PDE4D: variants seen among roughly 807,000 people sequenced by gnomAD.
The protein encoded by PDE4D is 3',5'-cyclic-AMP phosphodiesterase 4D.
Under a neutral mutation model 87.4 loss-of-function variants are expected in PDE4D, and 24 were observed. The observed-to-expected ratio is 0.27, with a 90% confidence interval of 0.20 to 0.39. The LOEUF is 0.39. Ranked by LOEUF, PDE4D falls within the 10% of genes least tolerant of loss-of-function variation. The pLI, the probability that PDE4D is intolerant of heterozygous loss-of-function variation, is 1.00. For synonymous variants in PDE4D, 384 were observed against 383.2 expected, an observed-to-expected ratio of 1.00 and a Z score of -0.02; for missense variants, 714 against 1,041.0, an observed-to-expected ratio of 0.69 and a Z score of 4.32.
At chr5:60,005,095 A>G (rs1336524667) in intron 2 of PDE4D, among the ~76,000 whole-genome samples, 2 of 152,148 alleles carry the variant, frequency 1.3e-5, no homozygotes, top group African/African-American at 4.8e-5. Context: ...ACTGTGGTGT[A>G]TATACAATGG....
intron 1 of PDE4D, among the ~76,000 whole-genome samples, chr5:59,346,678 GA>G (rs1779656070): frequency 6.6e-6 from 1 of 152,142 alleles, no homozygotes; most frequent in Admixed American, 6.6e-5. Flanking sequence ...GCATACAACA[GA>G]AGTTGCACAA....
intron 1 of PDE4D, among the ~76,000 whole-genome samples, chr5:59,842,842 G>T (rs958974159): frequency 2.0e-5 from 3 of 151,750 alleles, no homozygotes; most frequent in Non-Finnish European, 4.4e-5. Context: ...GTGTTTCATT[G>T]CTAAACTTTT....
chr5:59,459,943 A>G (rs1442201066), intron 1 of PDE4D, among the ~76,000 whole-genome samples: 1 of 152,192 alleles, frequency 6.6e-6, no homozygotes, highest in Non-Finnish European at 1.5e-5. Flanking sequence ...ACATAAAACC[A>G]AGAACAATAA....
chr5:59,400,735 A>G (rs1380561462), intron 1 of PDE4D, among the ~76,000 whole-genome samples: 1 of 121,682 alleles, frequency 8.2e-6, no homozygotes, highest in Non-Finnish European at 1.8e-5. Context: ...AAGTATAATA[A>G]TAAAAAAAAT....
At chr5:60,068,117 T>C (rs1772307595) in intron 2 of PDE4D, among the ~76,000 whole-genome samples, 1 of 151,666 alleles carries the variant, frequency 6.6e-6, no homozygotes. Context: ...TGTAATTGCA[T>C]TTTTAAATGT....
chr5:60,382,786 C>T (rs1241998132), intron 1 of PDE4D, among the ~76,000 whole-genome samples: 1 of 152,136 alleles, frequency 6.6e-6, no homozygotes, highest in Non-Finnish European at 1.5e-5. Flanking sequence ...GGCTATCTTT[C>T]AAAGAGATTT....
chr5:59,888,819 A>G (rs1750532119), intron 1 of PDE4D, among the ~76,000 whole-genome samples: 1 of 152,176 alleles, frequency 6.6e-6, no homozygotes, highest in Non-Finnish European at 1.5e-5. Flanking sequence ...AATCAATAAA[A>G]CAATAAAGAA....
At chr5:60,122,828 A>ACAAAATT (rs963161973) in intron 2 of PDE4D, among the ~76,000 whole-genome samples, 5 of 152,216 alleles carry the variant, frequency 3.3e-5, no homozygotes, top group Admixed American at 6.5e-5. Context: ...TTGTCAGGCT[A>ACAAAATT]CAAAATTTTT....
chr5:60,382,767 C>T (rs771194050), intron 1 of PDE4D, among the ~76,000 whole-genome samples: 41 of 152,120 alleles, frequency 2.7e-4, no homozygotes, highest in Non-Finnish European at 4.4e-5. Flanking sequence ...TGAGAGAATA[C>T]ATGTTTATGG....
chr5:60,237,999 A>T (rs765019390), intron 1 of PDE4D, among the ~76,000 whole-genome samples: 3 of 151,956 alleles, frequency 2.0e-5, no homozygotes, highest in Non-Finnish European at 4.4e-5. Flanking sequence ...CTCCCTTCAC[A>T]GAAAAATCCT....
At chr5:59,377,333 C>T (rs369126216) in intron 1 of PDE4D, among the ~76,000 whole-genome samples, 13 of 151,558 alleles carry the variant, frequency 8.6e-5, no homozygotes, top group East Asian at 7.8e-4. Context: ...AGGAGAACGG[C>T]GTGAACCCAG....
chr5:59,745,527 G>C (rs1175597765), intron 1 of PDE4D, among the ~76,000 whole-genome samples: 1 of 152,186 alleles, frequency 6.6e-6, no homozygotes, highest in East Asian at 1.9e-4. Context: ...ATTCTGGACA[G>C]TGTGTTGAAA....
intron 1 of PDE4D, among the ~76,000 whole-genome samples, chr5:59,757,459 T>C (rs1761415829): frequency 6.6e-6 from 1 of 152,140 alleles, no homozygotes. Context: ...AAAGGAAATA[T>C]CTCAAGTCAA....
chr5:60,237,157 C>G (rs557677933), intron 1 of PDE4D, among the ~76,000 whole-genome samples: 1 of 152,072 alleles, frequency 6.6e-6, no homozygotes, highest in East Asian at 1.9e-4. Context: ...CAACATATGG[C>G]TGTACCATAA....
intron 3 of PDE4D, among the ~76,000 whole-genome samples, chr5:59,931,191 T>C (rs1755875791): frequency 6.6e-6 from 1 of 152,232 alleles, no homozygotes; most frequent in African/African-American, 2.4e-5. Flanking sequence ...TCTATCAACA[T>C]GTTTGGACAA....
intron 2 of PDE4D, among the ~76,000 whole-genome samples, chr5:60,170,492 G>GATA (rs552843933): frequency 6.1e-4 from 93 of 151,906 alleles, no homozygotes; most frequent in Admixed American, 1.2e-3. Flanking sequence ...CTTGTCTACA[G>GATA]ATAATAATAA....
At position 60,326,204 on chromosome 5, in the gene PDE4D, A is replaced by G. The variant is rs187869674; in HGVS notation, c.-89-140517T>C. Among the ~76,000 whole-genome samples the G allele has an allele frequency of 4.4e-3, 672 of 152,242 alleles. 6 individuals carry two copies. Among genetic ancestry groups the G allele is most frequent in the Middle Eastern group, 0.024 (7 of 294 alleles). On this transcript the variant is annotated intron_variant, in intron 1 of 16. Coordinates refer to the PDE4D transcript ENST00000502484. ...ATGCCCAGGAGTGCATTTACTGGAT[A>G]GTGTAGTACTTACATGTTTAGTTTT...
chr5:60,127,398 G>C (rs1475842691), intron 2 of PDE4D, among the ~76,000 whole-genome samples: 1 of 152,142 alleles, frequency 6.6e-6, no homozygotes, highest in Non-Finnish European at 1.5e-5. Flanking sequence ...CTGCAATATG[G>C]AGAACAGATT....
intron 2 of PDE4D, among the ~76,000 whole-genome samples, chr5:60,084,935 A>G (rs1344466998): frequency 6.6e-6 from 1 of 152,210 alleles, no homozygotes; most frequent in Non-Finnish European, 1.5e-5. Context: ...CCAGGATGCA[A>G]TGTCTACACA....
Sources: gnomAD v4.1 joint callset for allele counts (sites outside exome capture counted in the v4.1 genomes callset) on GRCh38, gnomAD v4.1.1 for gene constraint, MANE v1.5 for transcripts, NCBI Gene and HGNC (gene_info 2026-07-23, HGNC 2026-07-21) for gene names.